The following SAMD3 variants were observed in gnomAD, a reference collection of about 807,000 sequenced individuals.
The protein encoded by SAMD3 is sterile alpha motif domain-containing protein 3.
A neutral mutation model predicts 58.5 loss-of-function variants in SAMD3; 63 were observed. The ratio of observed to expected loss-of-function variants is 1.08; its 90% CI spans 0.88 to 1.33. The LOEUF (loss-of-function observed/expected upper bound fraction) is 1.33. SAMD3 is among the 40% of genes most tolerant of loss of function. SAMD3 has a pLI of 0.00. For synonymous variants in SAMD3, 220 were observed against 210.3 expected, an observed-to-expected ratio of 1.05 and a Z score of -0.40; for missense variants, 604 against 608.4, an observed-to-expected ratio of 0.99 and a Z score of 0.08.
At chr6:130,333,674 A>G (rs1777010648) in intron 1 of SAMD3, among the ~76,000 whole-genome samples, 1 of 152,220 alleles carries the variant, frequency 6.6e-6, no homozygotes, top group Non-Finnish European at 1.5e-5. Context: ...AAAATCTGAT[A>G]TAAGCTCTTG....
At chr6:130,317,744 G>A (rs1379848910) in intron 1 of SAMD3, among the ~76,000 whole-genome samples, 2 of 152,184 alleles carry the variant, frequency 1.3e-5, no homozygotes, top group Non-Finnish European at 2.9e-5. Context: ...CAAAACAGCA[G>A]TTCTCAAGAC....
At chr6:130,361,772 TCA>T (rs1777995386) in intron 1 of SAMD3, among the ~76,000 whole-genome samples, 2 of 152,240 alleles carry the variant, frequency 1.3e-5, no homozygotes, top group Non-Finnish European at 2.9e-5. Flanking sequence ...CAATAAATTT[TCA>T]CAGTGTCTGA....
chr6:130,249,242 C>CAT (rs1460213914), intron 2 of SAMD3, among the ~76,000 whole-genome samples: 3 of 152,136 alleles, frequency 2.0e-5, no homozygotes, highest in Admixed American at 6.5e-5. Context: ...CTTCATGAGT[C>CAT]TAATATGACT....
chr6:130,172,572 T>C (rs886907698), intron 8 of SAMD3, among the ~76,000 whole-genome samples: 24 of 152,202 alleles, frequency 1.6e-4, no homozygotes, highest in African/African-American at 5.1e-4. Flanking sequence ...TGCAGAGAGA[T>C]CTGCTGTTAG....
At chr6:130,224,964 A>C (rs538762380), upstream of SAMD3, among the ~76,000 whole-genome samples, 2 of 152,002 alleles carry the variant, frequency 1.3e-5, no homozygotes, top group African/African-American at 4.8e-5. Context: ...ATTCATACCA[A>C]TTGGTAGGCT....
intron 1 of SAMD3, among the ~76,000 whole-genome samples, chr6:130,349,263 C>T (rs926926934): frequency 5.3e-4 from 80 of 152,112 alleles, no homozygotes; most frequent in African/African-American, 1.8e-3. Context: ...ACACAAAAAA[C>T]CCTTCAAAAA....
chr6:130,290,675 G>T (rs993711087), intron 2 of SAMD3, among the ~76,000 whole-genome samples: 1 of 152,114 alleles, frequency 6.6e-6, no homozygotes, highest in African/African-American at 2.4e-5. Flanking sequence ...AGCAAATATT[G>T]CATTCTTTCT....
chr6:130,306,021 A>C (rs1775901002), intron 2 of SAMD3, among the ~76,000 whole-genome samples: 3 of 152,186 alleles, frequency 2.0e-5, no homozygotes, highest in Admixed American at 1.3e-4. Flanking sequence ...GGTGGAAGGA[A>C]AAGGCAGTTC....
At chr6:130,334,093 A>G (rs923856121) in intron 1 of SAMD3, among the ~76,000 whole-genome samples, 1 of 152,316 alleles carries the variant, frequency 6.6e-6, no homozygotes, top group South Asian at 2.1e-4. Flanking sequence ...CACACTTACC[A>G]TAATAATATC....
chr6:130,164,266 C>T (rs1177699127), intron 8 of SAMD3, among the ~76,000 whole-genome samples: 1 of 152,114 alleles, frequency 6.6e-6, no homozygotes, highest in Non-Finnish European at 1.5e-5. Context: ...CAATCAATTC[C>T]TAGTACTGAG....
intron 1 of SAMD3, among the ~76,000 whole-genome samples, chr6:130,353,056 T>C (rs1001569244): frequency 1.3e-5 from 2 of 152,230 alleles, no homozygotes; most frequent in African/African-American, 2.4e-5. Flanking sequence ...CTTGTTCACA[T>C]CTATTTCCTT....
In SAMD3 at chr6:130,175,905, C is replaced by T; in HGVS notation, c.758G>A (p.Arg253Lys). Reference protein sequence around the residue: ...IRNKCKFGHRRGQTRKSLADI... With the variant: ...IRNKCKFGHRKGQTRKSLADI... The stretch of plus-strand genomic sequence containing the variant: ...AGCAAGAGATTTCCTTGTCTGGCCT[C>T]TTCGGTGTCCAAATTTACACTTATT... Residue 253 changes from arginine (R) to lysine (K), a missense_variant, in exon 8 of 12, where the codon AGA becomes AAA. Arg to Lys is a conservative substitution (Grantham distance 26). Transcript: ENST00000439090. 1 of 1,613,268 alleles carries T rather than the reference C, an allele frequency of 6.2e-7. No individual in the cohort carries two copies. The highest frequency in any genetic ancestry group is 8.5e-7 in the Non-Finnish European group (1 of 1,179,332).
intron 1 of SAMD3, among the ~76,000 whole-genome samples, chr6:130,355,163 C>T (rs1228496935): frequency 2.0e-5 from 3 of 152,188 alleles, no homozygotes; most frequent in Admixed American, 1.3e-4. Context: ...GTGGCTCACG[C>T]CTGTGATCCT....
chr6:130,257,943 T>C (rs1371664792), intron 2 of SAMD3, among the ~76,000 whole-genome samples: 1 of 152,180 alleles, frequency 6.6e-6, no homozygotes, highest in Non-Finnish European at 1.5e-5. Context: ...CATGCACTTA[T>C]ATCTGTGACA....
Position 130,154,849 on chromosome 6 carries a change from A to G in SAMD3, c.999T>C (p.Phe333=), listed in dbSNP as rs1789633458. The G allele has an allele frequency of 2.5e-6, 4 of 1,612,772 alleles. No homozygotes were observed. Among genetic ancestry groups the G allele is most frequent in the East Asian group, 2.2e-5 (1 of 44,770 alleles). The change falls in exon 9 of 12, where the codon TTT becomes TTC. Residue 333 remains phenylalanine, a synonymous_variant. Coordinates refer to ENST00000439090, the MANE Select transcript of SAMD3 (RefSeq NM_001017373.4). ...CCTGATAAGGGCACTTCAAGAAAGGAAACAGTTTAAGAATGTCCTTCAGAG... is the reference window on the plus strand; with the variant it reads ...CCTGATAAGGGCACTTCAAGAAAGGGAACAGTTTAAGAATGTCCTTCAGAG... ...RTPLKDILKL[F]PFLKCPYQMF...
At chr6:130,232,460 A>G (rs1257018136) in intron 2 of SAMD3, among the ~76,000 whole-genome samples, 1 of 152,204 alleles carries the variant, frequency 6.6e-6, no homozygotes, top group Non-Finnish European at 1.5e-5. Flanking sequence ...TTTGCACCCA[A>G]GATCTGTCAG....
chr6:130,215,427 T>C, intron 2 of SAMD3, 133 bp from the exon 3 acceptor site: 5 of 1,254,934 alleles, frequency 4.0e-6, no homozygotes, highest in Non-Finnish European at 1.0e-6. Flanking sequence ...AAAATTACTA[T>C]TTTTACAATG....
chr6:130,184,620 T>A lies in SAMD3; in HGVS notation c.387A>T (p.Arg129Ser), dbSNP rs1408959630. 2 of 1,601,822 alleles carry A rather than the reference T, an allele frequency of 1.2e-6. No homozygotes were observed. ...LIDQRVLKQR[R>S]NVKQILARSK... ...TTCTTGCTAGAATTTGTTTCACATT[T>A]CTTCTGTGAAATAAAAACACACAAA... Residue 129 changes from arginine (R) to serine (S), a missense_variant, in exon 6 of 12, where the codon AGA becomes AGT. Coordinates refer to ENST00000439090, the MANE Select transcript of SAMD3 (RefSeq NM_001017373.4).
intron 2 of SAMD3, among the ~76,000 whole-genome samples, chr6:130,288,482 G>A (rs984599842): frequency 6.6e-6 from 1 of 152,154 alleles, no homozygotes; most frequent in Non-Finnish European, 1.5e-5. Context: ...CATAGCAACA[G>A]CTAGACTGGT....
Sources: gnomAD v4.1 joint callset for allele counts (sites outside exome capture counted in the v4.1 genomes callset) on GRCh38, gnomAD v4.1.1 for gene constraint, MANE v1.5 for transcripts, NCBI Gene and HGNC (gene_info 2026-07-23, HGNC 2026-07-21) for gene names.